Variants in DPP6 observed in about 807,000 individuals in gnomAD.
DPP6 encodes A-type potassium channel modulatory protein DPP6.
DPP6 carries 69 observed loss-of-function variants against 122.6 expected under a neutral mutation model. The ratio of observed to expected loss-of-function variants is 0.56; its 90% CI spans 0.46 to 0.69. The LOEUF (loss-of-function observed/expected upper bound fraction) is 0.69, where lower values mean the gene tolerates loss of function less well. Ranked by LOEUF, DPP6 falls within the 30% of genes least tolerant of loss-of-function variation. The pLI, the probability that DPP6 is intolerant of heterozygous loss-of-function variation, is 0.00. For synonymous variants in DPP6, 418 were observed against 433.1 expected, an observed-to-expected ratio of 0.97 and a Z score of 0.43; for missense variants, 928 against 1,116.9, an observed-to-expected ratio of 0.83 and a Z score of 2.41.
At chr7:154,154,303 A>G (rs1250019506) in intron 1 of DPP6, among the ~76,000 whole-genome samples, 1 of 152,238 alleles carries the variant, frequency 6.6e-6, no homozygotes, top group Non-Finnish European at 1.5e-5. Flanking sequence ...TGTAGAATAT[A>G]TTCAATTCTG....
chr7:154,476,216 G>A (rs1822722613), intron 3 of DPP6, among the ~76,000 whole-genome samples: 1 of 152,090 alleles, frequency 6.6e-6, no homozygotes. Context: ...AAAAGTAGGT[G>A]GATCTCAGAG....
At position 153,891,594 on chromosome 7, in the gene DPP6, A is replaced by T. The variant is rs186073459; in HGVS notation, c.51+3860A>T. Reference sequence around the variant, plus strand: ...GTTTGGTTGATATTCTGCTTGTTTAACAGAGGTATATACTCTTGCAATAGG... The same window carrying T: ...GTTTGGTTGATATTCTGCTTGTTTATCAGAGGTATATACTCTTGCAATAGG... On this transcript the variant is annotated intron_variant, in intron 1 of 25. Coordinates refer to the DPP6 transcript ENST00000404039. Among the ~76,000 whole-genome samples the T allele has an allele frequency of 3.2e-4, 49 of 152,268 alleles. 1 individual carries two copies. Among genetic ancestry groups the T allele is most frequent in the East Asian group, 1.9e-3 (10 of 5,172 alleles).
chr7:154,121,522 T>C (rs1423196058), intron 1 of DPP6, among the ~76,000 whole-genome samples: 1 of 152,272 alleles, frequency 6.6e-6, no homozygotes, highest in Non-Finnish European at 1.5e-5. Flanking sequence ...TGTGGTTTCC[T>C]CCTTAATACT....
At chr7:154,488,842 C>T (rs759305313) in intron 3 of DPP6, among the ~76,000 whole-genome samples, 1 of 152,136 alleles carries the variant, frequency 6.6e-6, no homozygotes, top group Non-Finnish European at 1.5e-5. Flanking sequence ...CCTAAATCCC[C>T]GTCCCTCCTC....
chr7:154,216,435 G>A (rs10261122), intron 1 of DPP6, among the ~76,000 whole-genome samples: 13,858 of 152,202 alleles, frequency 0.091, 1,497 homozygotes, highest in African/African-American at 0.26. Context: ...TGAGGTATGC[G>A]GAAGGGCCAG....
intron 8 of DPP6, among the ~76,000 whole-genome samples, chr7:154,756,262 A>AC: frequency 1.3e-5 from 2 of 152,240 alleles, no homozygotes; most frequent in South Asian, 4.1e-4. Flanking sequence ...GCAGCGCCCC[A>AC]CACTTGGCTT....
chr7:153,896,051 T>C (rs1277943440), intron 1 of DPP6, among the ~76,000 whole-genome samples: 1 of 152,246 alleles, frequency 6.6e-6, no homozygotes, highest in Non-Finnish European at 1.5e-5. Context: ...TGGGTCTCAC[T>C]ACGAGAGGTC....
chr7:154,114,991 C>T (rs1158337602), intron 1 of DPP6, among the ~76,000 whole-genome samples: 4 of 152,146 alleles, frequency 2.6e-5, no homozygotes, highest in Non-Finnish European at 4.4e-5. Flanking sequence ...GGCATGCTGA[C>T]GGCAAGAGTT....
At chr7:153,804,052 A>G in the DPP6 span, among the ~76,000 whole-genome samples, 2 of 102,578 alleles carry the variant, frequency 1.9e-5, no homozygotes, top group Non-Finnish European at 4.0e-5. Context: ...AATCCCTAGT[A>G]CTTTTTTTTT....
At chr7:153,843,015 CACAAGCATGCACACACACACATGCAT>C in the DPP6 span, among the ~76,000 whole-genome samples, 1 of 151,740 alleles carries the variant, frequency 6.6e-6, no homozygotes, top group Non-Finnish European at 1.5e-5. Flanking sequence ...CACACATACA[CACAAGCATGCACACACACACATGCAT>C]ACACACATGA....
intron 6 of DPP6, among the ~76,000 whole-genome samples, chr7:154,662,458 G>A (rs1837785712): frequency 1.0e-5 from 1 of 96,438 alleles, no homozygotes; most frequent in Non-Finnish European, 2.3e-5. Flanking sequence ...GAATCACCAT[G>A]GCGTATCAGC....
chr7:154,276,024 C>A (rs1804103904), intron 1 of DPP6, among the ~76,000 whole-genome samples: 1 of 152,238 alleles, frequency 6.6e-6, no homozygotes, highest in African/African-American at 2.4e-5. Flanking sequence ...TTGAAGTTAT[C>A]TATTTAACCT....
Position 154,833,506 on chromosome 7 carries a change from T to C in DPP6, c.1667-20274T>C, listed in dbSNP as rs926632854. 2.0e-5 allele frequency among the ~76,000 whole-genome samples: 3 copies of C among 152,144 alleles called. No homozygotes were observed. The highest frequency in any genetic ancestry group is 3.2e-3 in the Middle Eastern group (1 of 316). On this transcript the variant is annotated intron_variant, in intron 16 of 25. Transcript: ENST00000377770. The surrounding 1 kb of genome is among the most constrained non-coding windows in gnomAD (Gnocchi z 4.3). ...TGTACGGCTGACGAAGTGTAAATTA[T>C]TTATTATCTGAAACACTCAGAGCAG...
At chr7:154,534,544 A>C (rs1412717264) in intron 3 of DPP6, among the ~76,000 whole-genome samples, 1 of 152,022 alleles carries the variant, frequency 6.6e-6, no homozygotes, top group Non-Finnish European at 1.5e-5. Context: ...GTTGCAGGAC[A>C]CAAAATCAAT....
intron 9 of DPP6, 63 bp downstream of exon 9, chr7:154,769,634 C>A: frequency 6.8e-7 from 1 of 1,471,022 alleles, no homozygotes; most frequent in South Asian, 1.4e-5. Flanking sequence ...CAACCCTGCT[C>A]ACTCAGTGTG....
chr7:154,195,712 T>C (rs1798830748), intron 1 of DPP6, among the ~76,000 whole-genome samples: 1 of 152,206 alleles, frequency 6.6e-6, no homozygotes, highest in Non-Finnish European at 1.5e-5. Flanking sequence ...TTCACCCAAA[T>C]TCATTGTCCA....
intron 7 of DPP6, among the ~76,000 whole-genome samples, chr7:154,697,689 A>G (rs1840296179): frequency 6.6e-6 from 1 of 152,264 alleles, no homozygotes; most frequent in Non-Finnish European, 1.5e-5. Flanking sequence ...GACAGAGGCA[A>G]TAAGGGAAGA....
At chr7:154,651,197 G>A (rs1836854115) in intron 6 of DPP6, among the ~76,000 whole-genome samples, 2 of 152,084 alleles carry the variant, frequency 1.3e-5, no homozygotes, top group East Asian at 1.9e-4. Context: ...CACTGCACTA[G>A]GTACTGTGGA....
At chr7:154,569,731 TA>T (rs60394462) in intron 5 of DPP6, among the ~76,000 whole-genome samples, 4,318 of 141,730 alleles carry the variant, frequency 0.03, 140 homozygotes, top group African/African-American at 0.075. Flanking sequence ...ACCACTGCAC[TA>T]AAAAAAAAAA....
Sources: allele counts gnomAD v4.1 joint callset (sites outside exome capture counted in the v4.1 genomes callset), GRCh38; gene constraint gnomAD v4.1.1; non-coding constraint Gnocchi (gnomAD v3.1); transcripts MANE v1.5; gene names NCBI Gene and HGNC (gene_info 2026-07-23, HGNC 2026-07-21).